VWA3A: variants seen among roughly 807,000 people sequenced by gnomAD.
VWA3A encodes von Willebrand factor A domain containing 3A, also known as von Willebrand factor A domain-containing protein 3A.
Under a neutral mutation model 160.4 loss-of-function variants are expected in VWA3A, and 134 were observed. The observed-to-expected ratio is 0.84, with a 90% CI of 0.73 to 0.96. The LOEUF is 0.96. Ranked by LOEUF, VWA3A falls within the 40% of genes least tolerant of loss-of-function variation. The pLI is 0.00. For synonymous variants in VWA3A, 476 were observed against 543.4 expected, an observed-to-expected ratio of 0.88 and a Z score of 1.72; for missense variants, 1,310 against 1,447.9, an observed-to-expected ratio of 0.90 and a Z score of 1.55.
In VWA3A at chr16:22,137,099, ATAAG is replaced by A. The variant is rs1251501813; in HGVS notation, c.2140-1253_2140-1250del. Reference sequence around the variant, plus strand: ...AATAAATAAATAAATAAATAAATAAATAAGTAAGTAAATAAATAAATATCCCTTA... The same window carrying A: ...AATAAATAAATAAATAAATAAATAAATAAGTAAATAAATAAATATCCCTTA... On this transcript the variant is annotated intron_variant, in intron 21 of 33. Coordinates refer to ENST00000389398, the MANE Select transcript of VWA3A (RefSeq NM_173615.5). Among the ~76,000 whole-genome samples, 1,137 of 135,310 alleles carry A rather than the reference ATAAG, an allele frequency of 8.4e-3. 4 individuals carry two copies. Among genetic ancestry groups the A allele is most frequent in the East Asian group, 0.015 (52 of 3,490 alleles). The allele number at this position is 135,310 out of a possible 152,430, so 88.8% of individuals were successfully genotyped here.
Position 22,142,804 on chromosome 16 carries a change from A to G in VWA3A, c.2592+39A>G, listed in dbSNP as rs768259256. The G allele has an allele frequency of 8.0e-5, 116 of 1,445,150 alleles. 1 individual carries two copies. The East Asian group carries it at 2.7e-3, about 34-fold the overall frequency. 89.5% of individuals were successfully genotyped at this position (1,445,150 alleles called of 1,614,324 possible). A position where few individuals can be genotyped will look rare whatever the true frequency, so the allele number is the denominator to read the frequency against. On this transcript the variant is annotated intron_variant, in intron 25 of 33. Transcript: ENST00000389398. ...CATACTAGCACATGCCCATTAAGCAATAGAGTAGTTCTGTCCACCAACCAT... is the reference window on the plus strand; with the variant it reads ...CATACTAGCACATGCCCATTAAGCAGTAGAGTAGTTCTGTCCACCAACCAT...
intron 11 of VWA3A, among the ~76,000 whole-genome samples, 180 bp from the exon 12 acceptor site, chr16:22,118,722 A>G (rs1782586257): frequency 6.6e-6 from 1 of 152,172 alleles, no homozygotes; most frequent in South Asian, 2.1e-4. Context: ...GGCCAATTGC[A>G]CAAACGGAGC....
At chr16:22,142,455 C>T (rs942998628) in intron 24 of VWA3A, among the ~76,000 whole-genome samples, 1 of 152,018 alleles carries the variant, frequency 6.6e-6, no homozygotes, top group African/African-American at 2.4e-5. Flanking sequence ...TTTTATTTAA[C>T]AGCCAGCCCT....
At chr16:22,102,350 C>T (rs1248222738) in intron 5 of VWA3A, among the ~76,000 whole-genome samples, 1 of 144,670 alleles carries the variant, frequency 6.9e-6, no homozygotes, top group Non-Finnish European at 1.5e-5. Flanking sequence ...GACCCTGTCT[C>T]AAATAAAAAG....
intron 27 of VWA3A, 43 bp downstream of exon 27, chr16:22,146,387 G>T: frequency 1.3e-6 from 2 of 1,565,218 alleles, no homozygotes; most frequent in Non-Finnish European, 1.7e-6. Flanking sequence ...AGCATGAGGG[G>T]ATGTAGAAGG....
chr16:22,134,283 G>T, intron 20 of VWA3A, 85 bp from the exon 21 acceptor site: 1 of 1,176,100 alleles, frequency 8.5e-7, no homozygotes, highest in Non-Finnish European at 1.2e-6. Flanking sequence ...TCACCTCCAG[G>T]TGGCTTTCTA....
Position 22,154,886 on chromosome 16 carries a change from G to A in VWA3A, c.3406-681G>A, listed in dbSNP as rs1054547820. Among the ~76,000 whole-genome samples, 7 of 144,490 alleles carry A rather than the reference G, an allele frequency of 4.8e-5. No individual in the cohort carries two copies. In the Admixed American group the frequency reaches 5.0e-4, roughly 10 times the overall value. The allele number at this position is 144,490 out of a possible 152,430, so 94.8% of individuals were successfully genotyped here. A position where few individuals can be genotyped will look rare whatever the true frequency, so the allele number is the denominator to read the frequency against. On this transcript the variant is annotated intron_variant, in intron 31 of 33. Transcript: ENST00000389398. ...GGAGAATGGCGTGAACCCGGGAAGCGGAGCTTGCAGTGAGCCGAGATTGCG... is the reference window on the plus strand; with the variant it reads ...GGAGAATGGCGTGAACCCGGGAAGCAGAGCTTGCAGTGAGCCGAGATTGCG...
intron 19 of VWA3A, among the ~76,000 whole-genome samples, chr16:22,132,170 G>A (rs2045960211): frequency 6.6e-6 from 1 of 152,028 alleles, no homozygotes; most frequent in African/African-American, 2.4e-5. Context: ...GATCACCTGA[G>A]GTCGGGAGTT....
At chr16:22,139,458 G>A (rs1486571100) in intron 22 of VWA3A, among the ~76,000 whole-genome samples, 2 of 152,156 alleles carry the variant, frequency 1.3e-5, no homozygotes, top group Non-Finnish European at 2.9e-5. Context: ...CACTTTGGGA[G>A]GCCAAGGCAG....
rs201170137 is a variant in VWA3A, at chr16:22,121,615, G to A, written c.1354G>A (p.Glu452Lys). 24 of 1,608,770 alleles carry A rather than the reference G, an allele frequency of 1.5e-5. No individual in the cohort carries two copies. The Admixed American group carries it at 3.0e-4, about 20-fold the overall frequency. ...GAAAACAGTATCATCGACCATCCAT[G>A]AGGTAATTCAGATTCATAATTCTCT... ...LQKTVSSTIH[E>K]KAMIQFEWHD... is the part of the protein sequence containing the mutation. The change falls in exon 14 of 34, where the codon GAG (glutamate) becomes AAG (lysine). Residue 452 changes from glutamate to lysine, a missense_variant and splice_region_variant. Physicochemically the swap from Glu to Lys is moderately conservative, Grantham distance 56 (BLOSUM62 1). Coordinates refer to ENST00000389398, the MANE Select transcript of VWA3A (RefSeq NM_173615.5).
At chr16:22,121,145 G>T in intron 13 of VWA3A, 42 bp downstream of exon 13, 2 of 1,613,038 alleles carry the variant, frequency 1.2e-6, no homozygotes, top group South Asian at 2.2e-5. Flanking sequence ...ACAGGTGACT[G>T]ACTAAAAGGC....
chr16:22,150,068 A>C, intron 29 of VWA3A, 137 bp downstream of exon 29: 1 of 1,246,922 alleles, frequency 8.0e-7, no homozygotes, highest in Non-Finnish European at 1.1e-6. Context: ...TCTTCCCAAC[A>C]CCCGAGTGAG....
At chr16:22,100,850 AAAAAAGAAAGGAAAAAG>A (rs1180423069) in intron 5 of VWA3A, among the ~76,000 whole-genome samples, 2 of 150,458 alleles carry the variant, frequency 1.3e-5, no homozygotes, top group East Asian at 1.9e-4. Context: ...TCAAAAAAAA[AAAAAAGAAAGGAAAAAG>A]AAAAAGAAAG....
intron 17 of VWA3A, among the ~76,000 whole-genome samples, chr16:22,128,945 G>C (rs1001258370): frequency 6.6e-6 from 1 of 152,096 alleles, no homozygotes; most frequent in Non-Finnish European, 1.5e-5. Flanking sequence ...GAGGGTGAGA[G>C]AAAGGAAATC....
In VWA3A at chr16:22,116,862, C is replaced by A; in HGVS notation, c.919C>A (p.Pro307Thr). The change falls in exon 10 of 34, where the codon CCC becomes ACC. Residue 307 changes from proline (P) to threonine (T), a missense_variant. By Grantham distance (38) the Pro-to-Thr change is conservative (BLOSUM62 -1). Coordinates refer to ENST00000389398, the MANE Select transcript of VWA3A (RefSeq NM_173615.5). ...CACCTACAGATGCGATGATCAGATG[C>A]CCCCTGTGAGTGCCCGAGATTCTCT... ...FITYRCDDQM[P>T]PAVLKNLAEA... 1.2e-6 allele frequency: 2 copies of A among 1,612,222 alleles called. No individual in the cohort carries two copies. Among genetic ancestry groups the A allele is most frequent in the Non-Finnish European group, 1.7e-6 (2 of 1,179,298 alleles).
In VWA3A at chr16:22,138,326, G is replaced by A. The variant is rs2046081287; in HGVS notation, c.2140-34G>A. 3 of 1,557,628 alleles carry A rather than the reference G, an allele frequency of 1.9e-6. No individual in the cohort carries two copies. In the African/African-American group the frequency reaches 4.1e-5, roughly 21 times the overall value. On this transcript the variant is annotated intron_variant, in intron 21 of 33. Transcript: ENST00000389398. ...GTGTGTGTGTGTGTCCACAGTGGCTGGGGGTGCCACTGACCCTCCCAATCC... is the reference window on the plus strand; with the variant it reads ...GTGTGTGTGTGTGTCCACAGTGGCTAGGGGTGCCACTGACCCTCCCAATCC...
intron 6 of VWA3A, among the ~76,000 whole-genome samples, chr16:22,105,597 T>A (rs950872027): frequency 2.6e-5 from 4 of 152,388 alleles, no homozygotes; most frequent in Admixed American, 6.5e-5. Context: ...CAAGATTTTT[T>A]AAATCCTGGT....
chr16:22,153,149 C>A (rs952370358), intron 31 of VWA3A, among the ~76,000 whole-genome samples: 1 of 152,120 alleles, frequency 6.6e-6, no homozygotes, highest in Admixed American at 6.5e-5. Flanking sequence ...AGTTTGAGAC[C>A]AGCCTGGCCA....
chr16:22,144,175 A>T (rs538570101), intron 25 of VWA3A, 72 bp from the exon 26 acceptor site: 2 of 1,502,202 alleles, frequency 1.3e-6, no homozygotes, highest in South Asian at 2.7e-5. Flanking sequence ...TGAGGTTCTC[A>T]TAGACCAGTC....
Sources: gnomAD v4.1 joint callset for allele counts (sites outside exome capture counted in the v4.1 genomes callset) on GRCh38, gnomAD v4.1.1 for gene constraint, MANE v1.5 for transcripts, NCBI Gene and HGNC (gene_info 2026-07-23, HGNC 2026-07-21) for gene names.